EFHC2: variants seen among roughly 807,000 people sequenced by gnomAD.
The protein encoded by EFHC2 is EF-hand domain-containing family member C2.
EFHC2 carries 18 observed loss-of-function variants against 52.7 expected under a neutral mutation model. That is an observed-to-expected ratio of 0.34 (90% CI 0.24 to 0.51). The LOEUF is 0.51. Ranked by LOEUF, EFHC2 falls within the 20% of genes least tolerant of loss-of-function variation. The pLI is 0.97. For missense variants in EFHC2, 513 were observed against 562.5 expected (o/e 0.91, Z 0.89); for synonymous variants, 203 against 204.1 (o/e 0.99, Z 0.04).
intron 2 of EFHC2, among the ~76,000 whole-genome samples, chrX:44,305,377 C>A (rs1158771499): frequency 8.9e-6 from 1 of 111,946 alleles, no homozygotes; most frequent in Non-Finnish European, 1.9e-5. Context: ...TTCCTTTTGC[C>A]TCAGGCTCCA....
intron 4 of EFHC2, among the ~76,000 whole-genome samples, chrX:44,251,621 A>G (rs1255248375): frequency 1.8e-4 from 11 of 60,958 alleles, no homozygotes; most frequent in East Asian, 4.1e-4. Flanking sequence ...AAAAAAAAAA[A>G]AAAAAAAAAA....
intron 11 of EFHC2, among the ~76,000 whole-genome samples, chrX:44,188,256 T>C (rs1470431582): frequency 9.0e-6 from 1 of 111,258 alleles, no homozygotes; most frequent in Non-Finnish European, 1.9e-5. Context: ...AAGCTGGGAT[T>C]ATAGGCATGA....
chrX:44,178,241 T>C, intron 12 of EFHC2, 126 bp downstream of exon 12: 2 of 613,472 alleles, frequency 3.3e-6, no homozygotes, highest in South Asian at 3.3e-5. Flanking sequence ...TTGTGCTAAA[T>C]AGTAGAGTAT....
At chrX:44,274,849 G>A (rs768589394) in intron 2 of EFHC2, among the ~76,000 whole-genome samples, 18 of 111,153 alleles carry the variant, frequency 1.6e-4, no homozygotes, top group Non-Finnish European at 3.0e-4. Context: ...TTATGACCTC[G>A]CCACTGCACT....
At chrX:44,215,683 A>G (rs1024596893) in intron 11 of EFHC2, among the ~76,000 whole-genome samples, 2 of 111,453 alleles carry the variant, frequency 1.8e-5, no homozygotes, top group Non-Finnish European at 3.8e-5. Flanking sequence ...TATAATTTAA[A>G]TTAAAATTTT....
chrX:44,274,398 T>C (rs1375230017), intron 2 of EFHC2, among the ~76,000 whole-genome samples: 2 of 112,282 alleles, frequency 1.8e-5, no homozygotes, highest in Non-Finnish European at 3.8e-5. Flanking sequence ...AGTTTCCTTC[T>C]GGGGTGACAA....
intron 2 of EFHC2, chrX:44,309,844 C>T (rs917581509): frequency 9.3e-6 from 11 of 1,178,936 alleles, no homozygotes; most frequent in East Asian, 3.0e-5. Context: ...CCCAATCCAG[C>T]GCAAGGCCCA....
At chrX:44,281,007 C>T (rs1455776777) in intron 2 of EFHC2, among the ~76,000 whole-genome samples, 2 of 111,287 alleles carry the variant, frequency 1.8e-5, no homozygotes, top group African/African-American at 3.3e-5. Context: ...GCAACCTCTG[C>T]CTCCCGGGTT....
At chrX:44,316,004 A>G (rs1356378884) in intron 1 of EFHC2, among the ~76,000 whole-genome samples, 1 of 111,562 alleles carries the variant, frequency 9.0e-6, no homozygotes. Flanking sequence ...AGAGTATGGT[A>G]TAAAGATGAA....
chrX:44,166,066 G>C (rs983101446), intron 13 of EFHC2, among the ~76,000 whole-genome samples: 19 of 111,286 alleles, frequency 1.7e-4, no homozygotes, highest in African/African-American at 5.2e-4. Flanking sequence ...CCTAGTTTAC[G>C]GTATTGTTAT....
intron 1 of EFHC2, among the ~76,000 whole-genome samples, chrX:44,316,193 C>T (rs1432408005): frequency 8.9e-6 from 1 of 111,994 alleles, no homozygotes; most frequent in East Asian, 2.8e-4. Context: ...TTTGGTCAGA[C>T]CACATCTTAC....
intron 3 of EFHC2, among the ~76,000 whole-genome samples, chrX:44,269,565 AAG>A (rs1474340393): frequency 1.8e-5 from 2 of 110,618 alleles, no homozygotes; most frequent in African/African-American, 6.6e-5. Flanking sequence ...GATTGTTAAC[AAG>A]AGTCTGGCAT....
chrX:44,246,026 G>A (rs942726139), intron 7 of EFHC2, among the ~76,000 whole-genome samples: 24 of 111,641 alleles, frequency 2.1e-4, no homozygotes, highest in African/African-American at 7.5e-4. Context: ...TGACAAAGGA[G>A]GAAATGTGAC....
chrX:44,335,683 A>G (rs1293448586), intron 1 of EFHC2, among the ~76,000 whole-genome samples: 2 of 112,356 alleles, frequency 1.8e-5, no homozygotes, highest in African/African-American at 6.4e-5. Flanking sequence ...GCAAGATTAC[A>G]TGTAAATATA....
In EFHC2 at chrX:44,310,274, C is replaced by T. The variant is rs1268342004; in HGVS notation, c.231+2294G>A. The T allele has an allele frequency of 5.8e-6, 5 of 855,361 alleles. No individual in the cohort carries two copies. The African/African-American group carries it at 1.1e-4, about 19-fold the overall frequency. The allele number at this position is 855,361 out of a possible 1,213,427, so 70.5% of individuals were successfully genotyped here. A position where few individuals can be genotyped will look rare whatever the true frequency, so the allele number is the denominator to read the frequency against. On this transcript the variant is annotated intron_variant, in intron 2 of 14. Coordinates refer to ENST00000420999, the MANE Select transcript of EFHC2 (RefSeq NM_025184.4). ...GGTTTCCTCTCAGCAGCGGCTCATCCTCCACGCCGGGGGCAGCTGCTTTAG... is the reference window on the plus strand; with the variant it reads ...GGTTTCCTCTCAGCAGCGGCTCATCTTCCACGCCGGGGGCAGCTGCTTTAG...
intron 13 of EFHC2, among the ~76,000 whole-genome samples, chrX:44,168,363 T>A (rs1229949054): frequency 1.8e-5 from 2 of 110,639 alleles, no homozygotes; most frequent in Non-Finnish European, 3.8e-5. Context: ...AAACCCCGTC[T>A]CTACTAAAAA....
At chrX:44,261,012 T>C in intron 4 of EFHC2, 63 bp downstream of exon 4, 1 of 1,005,646 alleles carries the variant, frequency 9.9e-7, no homozygotes, top group African/African-American at 1.9e-5. Context: ...AAACACCCTT[T>C]ACTGACTTTC....
At chrX:44,288,687 T>A (rs2037770945) in intron 2 of EFHC2, among the ~76,000 whole-genome samples, 1 of 112,472 alleles carries the variant, frequency 8.9e-6, no homozygotes, top group African/African-American at 3.2e-5. Context: ...TTGTTTTAAA[T>A]ACTCAACTCA....
At chrX:44,281,544 G>A (rs914385110) in intron 2 of EFHC2, among the ~76,000 whole-genome samples, 16 of 111,790 alleles carry the variant, frequency 1.4e-4, no homozygotes. Context: ...ATCAGATGAA[G>A]TATTGGCTTA....
Sources: gnomAD v4.1 joint callset for allele counts (sites outside exome capture counted in the v4.1 genomes callset) on GRCh38, gnomAD v4.1.1 for gene constraint, MANE v1.5 for transcripts, NCBI Gene and HGNC (gene_info 2026-07-23, HGNC 2026-07-21) for gene names.